The following FRMPD4 variants were observed in gnomAD, a reference collection of about 807,000 sequenced individuals.
FRMPD4 encodes FERM and PDZ domain containing 4, also known as FERM and PDZ domain-containing protein 4.
In FRMPD4, 22 loss-of-function variants were observed where a neutral mutation model predicts 94.1. That is an observed-to-expected ratio of 0.23 (90% CI 0.17 to 0.33). The LOEUF (loss-of-function observed/expected upper bound fraction) is 0.33, where lower values mean the gene tolerates loss of function less well. FRMPD4 is among the 10% of genes least tolerant of loss of function. The pLI, the probability that FRMPD4 is intolerant of heterozygous loss-of-function variation, is 1.00. For missense variants in FRMPD4, 1,111 were observed against 1,339.9 expected (o/e 0.83, Z 2.67); for synonymous variants, 631 against 548.6 (o/e 1.15, Z -2.10).
chrX:12,442,303 A>T (rs1340429247), intron 1 of FRMPD4, among the ~76,000 whole-genome samples: 1 of 111,411 alleles, frequency 9.0e-6, no homozygotes, highest in Non-Finnish European at 1.9e-5. Flanking sequence ...TCTGCTATAC[A>T]AATATTAACA....
chrX:12,068,842 T>C (rs1458597919), intron 3 of FRMPD4, among the ~76,000 whole-genome samples: 2 of 112,409 alleles, frequency 1.8e-5, no homozygotes, highest in African/African-American at 6.5e-5. Flanking sequence ...TAGTGAATAT[T>C]TGTTGAGTGT....
chrX:12,310,671 A>G (rs1251665450), intron 1 of FRMPD4, among the ~76,000 whole-genome samples: 1 of 112,310 alleles, frequency 8.9e-6, no homozygotes. Flanking sequence ...GTTATCCCCA[A>G]TCCAATGCAG....
intron 1 of FRMPD4, among the ~76,000 whole-genome samples, chrX:12,278,369 A>G (rs1158607126): frequency 2.7e-5 from 3 of 111,752 alleles, no homozygotes; most frequent in Non-Finnish European, 3.8e-5. Flanking sequence ...CTCTGAATAT[A>G]TTCTTTTCCC....
At chrX:12,541,348 T>C (rs1235616165) in intron 2 of FRMPD4, among the ~76,000 whole-genome samples, 72 of 110,027 alleles carry the variant, frequency 6.5e-4, no homozygotes, top group Non-Finnish European at 1.2e-3. Flanking sequence ...GCTACCAAGA[T>C]TAATAAAGAA....
intron 1 of FRMPD4, among the ~76,000 whole-genome samples, chrX:12,172,500 C>T (rs2056239806): frequency 8.9e-6 from 1 of 111,809 alleles, no homozygotes; most frequent in Admixed American, 9.5e-5. Context: ...AATCACCTTG[C>T]AGGACTTGTT....
chrX:12,631,556 C>T (rs898101954), intron 4 of FRMPD4, among the ~76,000 whole-genome samples: 6 of 110,471 alleles, frequency 5.4e-5, no homozygotes, highest in East Asian at 5.7e-4. Context: ...CCCCCCACCC[C>T]ACAACAGGCC....
chrX:12,616,809 G>T (rs374403253), intron 4 of FRMPD4, among the ~76,000 whole-genome samples: 2 of 112,229 alleles, frequency 1.8e-5, no homozygotes, highest in Non-Finnish European at 3.8e-5. Context: ...CCATGTTTGG[G>T]CTTGATGGCA....
rs1655358098 is a variant in FRMPD4, at chrX:12,718,770, C to G, written c.3944C>G (p.Pro1315Arg). The G allele has an allele frequency of 8.4e-7, 1 of 1,194,340 alleles. No homozygotes were observed. ...GTLRDGCHRL[P>R]KIKETTALTE... ...TTGAGAGATGGATGCCATCGGCTCCCCAAGATTAAGGAAACCACAGGTACA... is the reference window on the plus strand; with the variant it reads ...TTGAGAGATGGATGCCATCGGCTCCGCAAGATTAAGGAAACCACAGGTACA... Residue 1315 changes from proline (P) to arginine (R), a missense_variant, in exon 16 of 17, where the codon CCC (proline) becomes CGC (arginine). By Grantham distance (103) the Pro-to-Arg change is moderately radical. Coordinates refer to ENST00000675598, the MANE Select transcript of FRMPD4 (RefSeq NM_001368397.1).
chrX:12,180,578 T>A (rs2056347252), intron 1 of FRMPD4, among the ~76,000 whole-genome samples: 1 of 112,328 alleles, frequency 8.9e-6, no homozygotes, highest in South Asian at 3.7e-4. Flanking sequence ...TAAAGAAGAT[T>A]GTACCAAGCT....
At chrX:12,539,592 C>T (rs1300084986) in intron 2 of FRMPD4, among the ~76,000 whole-genome samples, 5 of 111,047 alleles carry the variant, frequency 4.5e-5, no homozygotes, top group African/African-American at 1.3e-4. Flanking sequence ...GCTGATCTCT[C>T]GGCAGAAACT....
At chrX:12,013,684 C>T (rs2054591647) in intron 3 of FRMPD4, among the ~76,000 whole-genome samples, 1 of 113,312 alleles carries the variant, frequency 8.8e-6, no homozygotes. Context: ...AGTACATGAA[C>T]CTGGCATAGG....
chrX:12,624,594 G>A (rs896421953), intron 4 of FRMPD4, among the ~76,000 whole-genome samples: 39 of 111,501 alleles, frequency 3.5e-4, no homozygotes, highest in African/African-American at 1.0e-3. Context: ...TACAGCAAGA[G>A]AGGAATGAAG....
chrX:12,101,840 C>G (rs745424480), intron 3 of FRMPD4, among the ~76,000 whole-genome samples: 6 of 111,724 alleles, frequency 5.4e-5, no homozygotes, highest in Non-Finnish European at 1.1e-4. Context: ...ATTTTCTAGT[C>G]TTTGTGTGTG....
chrX:11,941,448 A>C (rs2054159567), intron 3 of FRMPD4, among the ~76,000 whole-genome samples: 1 of 111,831 alleles, frequency 8.9e-6, no homozygotes, highest in Non-Finnish European at 1.9e-5. Flanking sequence ...GCACTTGATA[A>C]AATACAGAAG....
intron 2 of FRMPD4, among the ~76,000 whole-genome samples, chrX:12,521,544 C>T (rs992526506): frequency 1.4e-4 from 16 of 112,450 alleles, no homozygotes; most frequent in Non-Finnish European, 2.8e-4. Context: ...ACTTCAACTC[C>T]ATAGGTACGA....
At chrX:11,849,421 C>T (rs1417535995) in intron 1 of FRMPD4, among the ~76,000 whole-genome samples, 1 of 111,298 alleles carries the variant, frequency 9.0e-6, no homozygotes, top group Admixed American at 9.6e-5. Context: ...AAAAGTTCAT[C>T]GTAAAATTCA....
At chrX:11,907,167 G>A (rs569814533) in intron 3 of FRMPD4, among the ~76,000 whole-genome samples, 16 of 108,966 alleles carry the variant, frequency 1.5e-4, no homozygotes, top group East Asian at 5.8e-4. Flanking sequence ...TATTGTGATC[G>A]TATTTTTTTT....
rs774326838 is a variant in FRMPD4, at chrX:12,596,064, A to T, written c.159-13657A>T. Among the ~76,000 whole-genome samples the T allele has an allele frequency of 1.4e-3, 160 of 112,055 alleles. 1 individual carries two copies. Among genetic ancestry groups the T allele is most frequent in the Non-Finnish European group, 2.5e-3 (133 of 53,180 alleles). ...CAGATGCTCAAGAAAATCACCAGGG[A>T]ATTAAAAAGATATAAGAGGCTGGTG... On this transcript the variant is annotated intron_variant, in intron 2 of 16. Coordinates refer to ENST00000675598, the MANE Select transcript of FRMPD4 (RefSeq NM_001368397.1).
rs1027671196 is a variant in FRMPD4 at position 11,882,637 on chromosome X, T to C, written c.95+4619T>C. On this transcript the variant is annotated intron_variant, in intron 3 of 18. Transcript: ENST00000640291. ...AATTACCTTCAGACTATGTGTATAA[T>C]GTATATATGAAACATAAATGAATTT... Among the ~76,000 whole-genome samples the C allele has an allele frequency of 3.1e-4, 35 of 111,930 alleles. 1 individual carries two copies. Among genetic ancestry groups the C allele is most frequent in the African/African-American group, 8.7e-4 (27 of 30,880 alleles).
Sources: gnomAD v4.1 joint callset for allele counts (sites outside exome capture counted in the v4.1 genomes callset) on GRCh38, gnomAD v4.1.1 for gene constraint, MANE v1.5 for transcripts, NCBI Gene and HGNC (gene_info 2026-07-23, HGNC 2026-07-21) for gene names.